VWA3A: variants seen among roughly 807,000 people sequenced by gnomAD.
VWA3A encodes von Willebrand factor A domain containing 3A, also known as von Willebrand factor A domain-containing protein 3A.
In VWA3A, 134 loss-of-function variants were observed where a neutral mutation model predicts 160.4. That is an observed-to-expected ratio of 0.84 (90% CI 0.73 to 0.96). The LOEUF (loss-of-function observed/expected upper bound fraction) is 0.96, where lower values mean the gene tolerates loss of function less well. Among genes scored for constraint, VWA3A ranks in the 40% least tolerant of loss-of-function variants. The pLI, the probability that VWA3A is intolerant of heterozygous loss-of-function variation, is 0.00. For missense variants in VWA3A, 1,310 were observed against 1,447.9 expected, an observed-to-expected ratio of 0.90 and a Z score of 1.55; for synonymous variants, 476 against 543.4, an observed-to-expected ratio of 0.88 and a Z score of 1.72.
rs115376169 is a variant in VWA3A at position 22,144,633 on chromosome 16, G to A, written c.2730+249G>A. On this transcript the variant is annotated intron_variant, in intron 26 of 33. Transcript: ENST00000389398. ...GGAATAAGAATTATAAACAATTGCC[G>A]AGGCCAGGTGCGGTGACTCCTGCCT... 8.5e-3 allele frequency among the ~76,000 whole-genome samples: 1,294 copies of A among 152,106 alleles called. 20 individuals carry two copies. The highest frequency in any genetic ancestry group is 0.03 in the African/African-American group (1,240 of 41,510).
intron 14 of VWA3A, 37 bp from the exon 15 acceptor site, chr16:22,123,048 T>C: frequency 6.5e-7 from 1 of 1,546,446 alleles, no homozygotes; most frequent in Non-Finnish European, 8.8e-7. Flanking sequence ...TGTACTTCTG[T>C]TCGCCTGCTC....
At chr16:22,141,214 T>G (rs911453712) in intron 23 of VWA3A, 2 of 481,978 alleles carry the variant, frequency 4.1e-6, no homozygotes, top group African/African-American at 3.9e-5. Context: ...TATGGCAGAG[T>G]GGCTCAGAGC....
rs2046430674 is a variant in VWA3A at position 22,155,788 on chromosome 16, T to C, written c.3504-63T>C. On this transcript the variant is annotated intron_variant, in intron 32 of 33. Coordinates refer to ENST00000389398, the MANE Select transcript of VWA3A (RefSeq NM_173615.5). ...GCTCCAAGGGTTCCTGCCCTGCTTC[T>C]CCCAGCCAGCCCAGAAATCTGGGCA... The C allele has an allele frequency of 2.0e-5, 33 of 1,611,986 alleles. 2 individuals carry two copies. Among genetic ancestry groups the C allele is most frequent in the Middle Eastern group, 3.5e-4 (2 of 5,790 alleles).
At chr16:22,141,447 TGC>T (rs1230186955) in intron 23 of VWA3A, 133 bp from the exon 24 acceptor site, 1 of 738,940 alleles carries the variant, frequency 1.4e-6, no homozygotes, top group African/African-American at 1.7e-5. Flanking sequence ...GGACACAGGG[TGC>T]CTTGAAGCCA....
intron 16 of VWA3A, among the ~76,000 whole-genome samples, chr16:22,124,663 G>C (rs1415133319): frequency 6.6e-6 from 1 of 151,410 alleles, no homozygotes; most frequent in Non-Finnish European, 1.5e-5. Flanking sequence ...CATCATGTTA[G>C]GATTGCAGGC....
intron 31 of VWA3A, 32 bp from the exon 32 acceptor site, chr16:22,155,535 C>A: frequency 6.3e-7 from 1 of 1,599,998 alleles, no homozygotes; most frequent in South Asian, 1.1e-5. Flanking sequence ...CCCATCCAGT[C>A]ATAAACTTCA....
intron 22 of VWA3A, among the ~76,000 whole-genome samples, 196 bp from the exon 23 acceptor site, chr16:22,139,958 C>A (rs758079119): frequency 6.6e-6 from 1 of 152,166 alleles, no homozygotes; most frequent in Admixed American, 6.5e-5. Flanking sequence ...CATGTACACA[C>A]CCATACTTTT....
Position 22,115,333 on chromosome 16 carries a change from T to C in VWA3A, c.690-14T>C. The C allele has an allele frequency of 6.3e-7, 1 of 1,576,684 alleles. No homozygotes were observed. The highest frequency in any genetic ancestry group is 8.6e-7 in the Non-Finnish European group (1 of 1,164,108). On this transcript the variant is annotated splice_polypyrimidine_tract_variant and intron_variant, in intron 8 of 33. Transcript: ENST00000389398. Reference sequence around the variant, plus strand: ...CAGTCTTATAATTAGGTTGCTGTTGTTGTCTCCTCCCAGCCTCCAGGAACT... The same window carrying C: ...CAGTCTTATAATTAGGTTGCTGTTGCTGTCTCCTCCCAGCCTCCAGGAACT...
intron 10 of VWA3A, 108 bp downstream of exon 10, chr16:22,116,975 G>A: frequency 7.1e-7 from 1 of 1,406,464 alleles, no homozygotes. Flanking sequence ...GGACCAGAAT[G>A]CACCTGTCCC....
intron 28 of VWA3A, among the ~76,000 whole-genome samples, chr16:22,148,589 A>C (rs1029807928): frequency 6.6e-6 from 1 of 152,170 alleles, no homozygotes; most frequent in South Asian, 2.1e-4. Flanking sequence ...TCAGCAACAA[A>C]GTGTCATCCC....
intron 8 of VWA3A, among the ~76,000 whole-genome samples, chr16:22,112,523 A>G (rs1206141769): frequency 1.3e-5 from 2 of 152,144 alleles, no homozygotes; most frequent in Non-Finnish European, 2.9e-5. Flanking sequence ...GTTTGAGACC[A>G]GCCTGGGCAA....
At chr16:22,104,980 C>T (rs2045460339) in intron 6 of VWA3A, among the ~76,000 whole-genome samples, 1 of 152,146 alleles carries the variant, frequency 6.6e-6, no homozygotes, top group Admixed American at 6.5e-5. Context: ...CTACCCAAGA[C>T]TAGTGGGTAA....
At chr16:22,145,342 A>T (rs2046228903) in intron 26 of VWA3A, among the ~76,000 whole-genome samples, 1 of 152,168 alleles carries the variant, frequency 6.6e-6, no homozygotes, top group African/African-American at 2.4e-5. Flanking sequence ...TCTATTTTAA[A>T]ATTTAGAGAT....
intron 1 of VWA3A, among the ~76,000 whole-genome samples, chr16:22,095,660 C>T (rs529813751): frequency 4.6e-5 from 7 of 152,014 alleles, no homozygotes; most frequent in Admixed American, 6.6e-5. Context: ...TGGGCTCAAG[C>T]GATCCTCCTG....
chr16:22,097,296 A>G (rs570988987), intron 2 of VWA3A, among the ~76,000 whole-genome samples: 1 of 152,286 alleles, frequency 6.6e-6, no homozygotes, highest in East Asian at 1.9e-4. Flanking sequence ...GAAAACAGCA[A>G]CAGCATTTTG....
chr16:22,096,891 CACAA>C lies in VWA3A; in HGVS notation c.50_53del (p.Gln17LeufsTer30), dbSNP rs766877419. On this transcript the variant is annotated frameshift_variant, in exon 2 of 34. Transcript: ENST00000389398. LOFTEE classifies it high-confidence loss of function. Reference sequence around the variant, plus strand: ...AGCATTGGGTGTTTTGCAATGGCTACACAAACTAGTCATGTCTTCCATGGTCAAG... The same window carrying C: ...AGCATTGGGTGTTTTGCAATGGCTACACTAGTCATGTCTTCCATGGTCAAG... The C allele has an allele frequency of 2.6e-6, 4 of 1,549,496 alleles. No individual in the cohort carries two copies. Among genetic ancestry groups the C allele is most frequent in the Non-Finnish European group, 3.5e-6 (4 of 1,145,682 alleles).
chr16:22,115,925 A>AAGGAAGGAAGGGAG (rs1567203063), intron 9 of VWA3A, among the ~76,000 whole-genome samples: 3 of 18,460 alleles, frequency 1.6e-4, no homozygotes, highest in Non-Finnish European at 2.1e-4. Context: ...AAGGAAGGAA[A>AAGGAAGGAAGGGAG]GGAAAGGAAA....
intron 1 of VWA3A, 33 bp downstream of exon 1, chr16:22,092,684 T>A: frequency 6.5e-7 from 1 of 1,549,436 alleles, no homozygotes; most frequent in Non-Finnish European, 8.7e-7. Flanking sequence ...TTGACAGGGG[T>A]GGTGAGAGGG....
At chr16:22,124,535 A>G (rs1399755824) in intron 16 of VWA3A, among the ~76,000 whole-genome samples, 1 of 94,374 alleles carries the variant, frequency 1.1e-5, no homozygotes, top group East Asian at 2.4e-4. Context: ...TACATCTATT[A>G]TTATTATTAT....
Sources: gnomAD v4.1 joint callset for allele counts (sites outside exome capture counted in the v4.1 genomes callset) on GRCh38, gnomAD v4.1.1 for gene constraint, MANE v1.5 for transcripts, NCBI Gene and HGNC (gene_info 2026-07-23, HGNC 2026-07-21) for gene names.